The following ARB2A variants were observed in gnomAD, a reference collection of about 807,000 sequenced individuals.
ARB2A encodes the protein ARB2 cotranscriptional regulator A.
At chr5:93,889,365 A>G in the ARB2A span, among the ~76,000 whole-genome samples, 1 of 151,840 alleles carries the variant, frequency 6.6e-6, no homozygotes, top group African/African-American at 2.4e-5. Flanking sequence ...AAACACTTCA[A>G]TACACATATA....
the ARB2A span, among the ~76,000 whole-genome samples, chr5:93,962,567 T>C: frequency 6.6e-6 from 1 of 152,044 alleles, no homozygotes; most frequent in Non-Finnish European, 1.5e-5. Flanking sequence ...ATGGTATTCT[T>C]TAAGTAAAAA....
At chr5:93,789,193 C>G in the ARB2A span, among the ~76,000 whole-genome samples, 2 of 152,130 alleles carry the variant, frequency 1.3e-5, no homozygotes, top group Non-Finnish European at 2.9e-5. Flanking sequence ...CACATATGTA[C>G]TGTGAGGGTT....
chr5:93,644,562 A>T, the ARB2A span, among the ~76,000 whole-genome samples: 6 of 152,330 alleles, frequency 3.9e-5, no homozygotes, highest in South Asian at 2.1e-4. Context: ...CAAATAGAAA[A>T]CATTTCTTTA....
At chr5:93,705,609 ATGTGTGTGTGTGTGTGTG>A in the ARB2A span, among the ~76,000 whole-genome samples, 2 of 128,812 alleles carry the variant, frequency 1.6e-5, no homozygotes, top group East Asian at 4.6e-4. Context: ...TTGGGAAAAA[ATGTGTGTGTGTGTGTGTG>A]TGTGTGTGTG....
At chr5:93,741,321 G>C in the ARB2A span, 1 of 1,613,168 alleles carries the variant, frequency 6.2e-7, no homozygotes, top group Non-Finnish European at 8.5e-7. Context: ...CTCCAAGACG[G>C]GGCCTGCAGG....
the ARB2A span, among the ~76,000 whole-genome samples, chr5:93,632,353 G>A: frequency 1.1e-4 from 17 of 152,298 alleles, no homozygotes; most frequent in African/African-American, 4.1e-4. Context: ...AGGCAGAGTT[G>A]TGGAAGAACA....
chr5:93,740,830 C>G, the ARB2A span: 3 of 1,613,828 alleles, frequency 1.9e-6, no homozygotes, highest in Non-Finnish European at 2.5e-6. Flanking sequence ...CTGGAGGCAC[C>G]CAGCAATGTG....
the ARB2A span, among the ~76,000 whole-genome samples, chr5:93,698,311 C>T: frequency 6.6e-6 from 1 of 151,978 alleles, no homozygotes; most frequent in Non-Finnish European, 1.5e-5. Flanking sequence ...AGGCACTGTT[C>T]CAGGTGCTAG....
the ARB2A span, among the ~76,000 whole-genome samples, chr5:93,679,914 G>T: frequency 6.6e-6 from 1 of 151,858 alleles, no homozygotes; most frequent in South Asian, 2.1e-4. Flanking sequence ...GACTTTTTTG[G>T]GCTTGTGGTA....
chr5:93,927,612 T>C, the ARB2A span, among the ~76,000 whole-genome samples: 1 of 152,210 alleles, frequency 6.6e-6, no homozygotes, highest in Non-Finnish European at 1.5e-5. Context: ...TATTATTTAC[T>C]AGTAATAAAG....
At chr5:93,959,874 G>C in the ARB2A span, among the ~76,000 whole-genome samples, 1 of 151,968 alleles carries the variant, frequency 6.6e-6, no homozygotes, top group African/African-American at 2.4e-5. Context: ...ATGACACACT[G>C]AGTGGTATAC....
the ARB2A span, among the ~76,000 whole-genome samples, chr5:93,830,959 G>A: frequency 3.3e-5 from 5 of 152,106 alleles, no homozygotes; most frequent in East Asian, 1.9e-4. Context: ...GTGACAGATC[G>A]TCAGGCATTA....
chr5:93,945,708 G>C, the ARB2A span, among the ~76,000 whole-genome samples: 13 of 152,048 alleles, frequency 8.5e-5, no homozygotes, highest in Admixed American at 8.5e-4. Context: ...GCTAAATAGA[G>C]AAGTGTAAAA....
chr5:93,748,681 G>A, the ARB2A span, among the ~76,000 whole-genome samples: 1 of 151,762 alleles, frequency 6.6e-6, no homozygotes, highest in South Asian at 2.1e-4. Flanking sequence ...TAATCAAAAG[G>A]ATAAATTGTG....
the ARB2A span, among the ~76,000 whole-genome samples, chr5:93,732,153 C>T: frequency 6.6e-6 from 1 of 152,092 alleles, no homozygotes; most frequent in Non-Finnish European, 1.5e-5. Flanking sequence ...TCACTGGTGT[C>T]GCCATGATCA....
the ARB2A span, among the ~76,000 whole-genome samples, chr5:94,105,135 T>G: frequency 2.0e-5 from 3 of 152,050 alleles, 1 homozygote; most frequent in Admixed American, 6.5e-5. Flanking sequence ...TACTGGAAAT[T>G]TCAGCCAAAG....
At chr5:93,646,283 T>A in the ARB2A span, among the ~76,000 whole-genome samples, 1 of 152,222 alleles carries the variant, frequency 6.6e-6, no homozygotes, top group African/African-American at 2.4e-5. Context: ...TCTTGTATTA[T>A]TTAATAATCT....
chr5:93,779,108 TG>T, the ARB2A span, among the ~76,000 whole-genome samples: 1 of 148,358 alleles, frequency 6.7e-6, no homozygotes, highest in Non-Finnish European at 1.5e-5. Context: ...TGTGTGTGTG[TG>T]TGTGTGTGTG....
At chr5:93,657,229 G>T in the ARB2A span, among the ~76,000 whole-genome samples, 3 of 152,086 alleles carry the variant, frequency 2.0e-5, no homozygotes, top group Admixed American at 6.6e-5. Context: ...ATTTTGTTAG[G>T]CATCCGCAAT....
Sources: gnomAD v4.1 joint callset for allele counts (sites outside exome capture counted in the v4.1 genomes callset) on GRCh38, gnomAD v4.1.1 for gene constraint, MANE v1.5 for transcripts, NCBI Gene and HGNC (gene_info 2026-07-23, HGNC 2026-07-21) for gene names.